Variants in CHST6 observed in about 807,000 individuals in gnomAD.
CHST6 encodes the protein N-acetylglucosamine 6-O-sulfotransferase 5.
For missense variants in CHST6, 698 were observed against 586.2 expected, an observed-to-expected ratio of 1.19 and a Z score of -1.97; for synonymous variants, 309 against 276.4, an observed-to-expected ratio of 1.12 and a Z score of -1.17.
In CHST6 at chr16:75,479,400, G is replaced by A; in HGVS notation, c.429C>T (p.Ile143=). The change falls in exon 3 of 3, where the codon ATC becomes ATT. Residue 143 remains isoleucine, a synonymous_variant. Coordinates refer to ENST00000332272, the MANE Select transcript of CHST6 (RefSeq NM_021615.5). ...GTGGCTTGCACACGGCCTCGCTGCT[G>A]ATGGCGCCTCGGGGAAAGGCACTGC... ...PACSAFPRGA[I]SSEAVCKPLC... The A allele has an allele frequency of 6.2e-7, 1 of 1,612,876 alleles. No homozygotes were observed. Among genetic ancestry groups the A allele is most frequent in the South Asian group, 1.1e-5 (1 of 91,076 alleles).
intron 2 of CHST6, among the ~76,000 whole-genome samples, chr16:75,480,986 C>T (rs1396346860): frequency 1.3e-5 from 2 of 149,654 alleles, no homozygotes; most frequent in Non-Finnish European, 3.0e-5. Flanking sequence ...GGATGCGAGC[C>T]TGGGATTCAA....
At position 75,492,536 on chromosome 16, in the gene CHST6, G is replaced by T. The variant is rs8052825; in HGVS notation, c.-92+2404C>A. ...ACTTCCAAATCTATGACAGAAAAAG[G>T]AAGAGACTATTTTATAGGAAAATAA... is the stretch of plus-strand genomic sequence containing the variant. On this transcript the variant is annotated intron_variant, in intron 1 of 2. Coordinates refer to ENST00000332272, the MANE Select transcript of CHST6 (RefSeq NM_021615.5). Among the ~76,000 whole-genome samples, 298 of 152,236 alleles carry T rather than the reference G, an allele frequency of 2.0e-3. 2 individuals carry two copies. Among genetic ancestry groups the T allele is most frequent in the African/African-American group, 6.7e-3 (279 of 41,528 alleles).
Position 75,479,199 on chromosome 16 carries a change from G to C in CHST6, c.630C>G (p.Ser210=). 1.2e-6 allele frequency: 2 copies of C among 1,609,222 alleles called. No individual in the cohort carries two copies. Among genetic ancestry groups the C allele is most frequent in the Non-Finnish European group, 1.7e-6 (2 of 1,179,184 alleles). Residue 210 remains serine, a synonymous_variant, in exon 3 of 3, where the codon TCC becomes TCG. Transcript: ENST00000332272. ...LVRDPRAVLR[S]REQTAKALAR... Reference sequence around the variant, plus strand: ...CCAGAGCCTTGGCTGTCTGCTCCCGGGAGCGCAGCACGGCCCGCGGGTCGC... The same window carrying C: ...CCAGAGCCTTGGCTGTCTGCTCCCGCGAGCGCAGCACGGCCCGCGGGTCGC...
chr16:75,486,518 G>GC (rs963428602), intron 1 of CHST6, among the ~76,000 whole-genome samples: 4 of 152,078 alleles, frequency 2.6e-5, no homozygotes, highest in African/African-American at 4.8e-5. Context: ...CACTGACCCT[G>GC]CCCCCCCAGC....
intron 1 of CHST6, among the ~76,000 whole-genome samples, chr16:75,491,198 T>A (rs868031764): frequency 0.011 from 1,122 of 106,006 alleles, 12 homozygotes; most frequent in Non-Finnish European, 0.017. Context: ...AAAATATATA[T>A]ATATATATAT....
intron 1 of CHST6, among the ~76,000 whole-genome samples, chr16:75,490,426 C>T (rs527516473): frequency 5.9e-5 from 9 of 152,008 alleles, no homozygotes; most frequent in East Asian, 1.9e-4. Flanking sequence ...TGTGGTGAGC[C>T]GAGATCGCAC....
chr16:75,494,169 G>C (rs1180902572), intron 1 of CHST6, among the ~76,000 whole-genome samples: 1 of 152,174 alleles, frequency 6.6e-6, no homozygotes, highest in Non-Finnish European at 1.5e-5. Context: ...TCTGAAGCCG[G>C]ATTGGGTTCA....
rs2080108939 is a variant in CHST6, at chr16:75,479,327, A to G, written c.502T>C (p.Tyr168His). The change falls in exon 3 of 3, where the codon TAC becomes CAC. Residue 168 changes from tyrosine (Y) to histidine (H), a missense_variant. Transcript: ENST00000332272. ...ACCTCCTTGAGCACCACGTGGCTGTAGGAGCGGCAGGCCTCCCGGGCCAGG... is the reference window on the plus strand; with the variant it reads ...ACCTCCTTGAGCACCACGTGGCTGTGGGAGCGGCAGGCCTCCCGGGCCAGG... ...FTLAREACRS[Y>H]SHVVLKEVRF... 1 of 1,612,900 alleles carries G rather than the reference A, an allele frequency of 6.2e-7. No homozygotes were observed. Among genetic ancestry groups the G allele is most frequent in the South Asian group, 1.1e-5 (1 of 91,088 alleles).
In CHST6 at chr16:75,475,966, C is replaced by T. The variant is rs529047487; in HGVS notation, c.*2675G>A. Reference sequence around the variant, plus strand: ...ATTCAAGGGATTCTCCTGCCTCAGCCTCCTGAGTAGCTGGAATTACAGGTG... The same window carrying T: ...ATTCAAGGGATTCTCCTGCCTCAGCTTCCTGAGTAGCTGGAATTACAGGTG... On this transcript the variant is annotated 3_prime_UTR_variant, in exon 3 of 3. Transcript: ENST00000332272. The T allele has an allele frequency of 6.6e-6, 1 of 152,298 alleles. No individual in the cohort carries two copies. The highest frequency in any genetic ancestry group is 6.5e-5 in the Admixed American group (1 of 15,286). 9.4% of individuals were successfully genotyped at this position (152,298 alleles called of 1,614,324 possible). A position where few individuals can be genotyped will look rare whatever the true frequency, so the allele number is the denominator to read the frequency against.
chr16:75,490,336 G>C (rs955609910), intron 1 of CHST6, among the ~76,000 whole-genome samples: 1 of 152,036 alleles, frequency 6.6e-6, no homozygotes, highest in Non-Finnish European at 1.5e-5. Context: ...AAATTAGCCA[G>C]GCATGGTGGC....
Position 75,479,148 on chromosome 16 carries a change from G to A in CHST6, c.681C>T (p.Gly227=), listed in dbSNP as rs763975445. Residue 227 remains glycine (G), a synonymous_variant, in exon 3 of 3, where the codon GGC becomes GGT. Transcript: ENST00000332272. ...CGGCCTCCACCCACGTGCCGTTGGT[G>A]CCCAGCACGATGCCGTTGTCACGCG... is the stretch of plus-strand genomic sequence containing the variant. ...ALARDNGIVL[G]TNGTWVEADP... is the part of the protein sequence containing the mutation. 5 of 1,606,930 alleles carry A rather than the reference G, an allele frequency of 3.1e-6. No homozygotes were observed. The Admixed American group carries it at 5.0e-5, about 16-fold the overall frequency.
At chr16:75,484,785 A>G (rs1597478856) in intron 1 of CHST6, among the ~76,000 whole-genome samples, 2 of 152,182 alleles carry the variant, frequency 1.3e-5, no homozygotes, top group East Asian at 3.9e-4. Flanking sequence ...TGGAGGTTGC[A>G]GTGAGCTGAG....
At chr16:75,492,982 T>C (rs1951784584) in intron 1 of CHST6, among the ~76,000 whole-genome samples, 1 of 152,160 alleles carries the variant, frequency 6.6e-6, no homozygotes, top group South Asian at 2.1e-4. Flanking sequence ...TATTTCAATA[T>C]TGACTAATAG....
Position 75,478,889 on chromosome 16 carries a change from C to T in CHST6, c.940G>A (p.Ala314Thr), listed in dbSNP as rs1452003171. 11 of 1,613,382 alleles carry T rather than the reference C, an allele frequency of 6.8e-6. No individual in the cohort carries two copies. The highest frequency in any genetic ancestry group is 1.1e-5 in the South Asian group (1 of 91,090). Reference sequence around the variant, plus strand: ...GAAGTCTTGAAGGCTTCGCGGCGCGCACCAGGTCCAGATCCGTGGGTGATG... The same window carrying T: ...GAAGTCTTGAAGGCTTCGCGGCGCGTACCAGGTCCAGATCCGTGGGTGATG... ...HNITHGSGPG[A>T]RREAFKTSSR... The change falls in exon 3 of 3, where the codon GCG becomes ACG. Residue 314 changes from alanine to threonine, a missense_variant. Transcript: ENST00000332272.
At chr16:75,482,239 C>A (rs1220194364) in intron 1 of CHST6, among the ~76,000 whole-genome samples, 1 of 152,186 alleles carries the variant, frequency 6.6e-6, no homozygotes, top group Non-Finnish European at 1.5e-5. Context: ...ACCACCAGCC[C>A]TTTCGTGGAC....
At chr16:75,487,540 C>T (rs762115701) in intron 1 of CHST6, among the ~76,000 whole-genome samples, 1 of 152,124 alleles carries the variant, frequency 6.6e-6, no homozygotes, top group South Asian at 2.1e-4. Flanking sequence ...GTGGCTCACG[C>T]CTGTAATCAT....
intron 1 of CHST6, among the ~76,000 whole-genome samples, chr16:75,491,665 C>T (rs542642646): frequency 3.3e-5 from 5 of 152,248 alleles, no homozygotes; most frequent in South Asian, 2.1e-4. Context: ...CCACCGTGCC[C>T]GGCTGGTAAT....
At chr16:75,480,927 C>CAAAAAAAAAAA (rs60465949) in intron 2 of CHST6, among the ~76,000 whole-genome samples, 1 of 111,388 alleles carries the variant, frequency 9.0e-6, no homozygotes, top group African/African-American at 4.0e-5. Flanking sequence ...AACTTCATTC[C>CAAAAAAAAAAA]AAAAAAAAAA....
intron 2 of CHST6, among the ~76,000 whole-genome samples, chr16:75,480,927 C>CAAAA (rs60465949): frequency 9.0e-6 from 1 of 111,400 alleles, no homozygotes; most frequent in Non-Finnish European, 1.7e-5. Flanking sequence ...AACTTCATTC[C>CAAAA]AAAAAAAAAA....
Sources: allele counts gnomAD v4.1 joint callset (sites outside exome capture counted in the v4.1 genomes callset), GRCh38; gene constraint gnomAD v4.1.1; transcripts MANE v1.5; gene names NCBI Gene and HGNC (gene_info 2026-07-23, HGNC 2026-07-21).